The following RAPSN variants were observed in gnomAD, a reference collection of about 807,000 sequenced individuals.
RAPSN encodes the protein 43 kDa receptor-associated protein of the synapse.
A neutral mutation model predicts 45.7 loss-of-function variants in RAPSN; 33 were observed. The observed-to-expected ratio is 0.72, with a 90% confidence interval of 0.55 to 0.97. The LOEUF is 0.97. RAPSN is among the 50% of genes least tolerant of loss of function. The probability of loss-of-function intolerance (pLI) is 0.00; values close to 1 mark genes in which losing one functional copy is unlikely to be tolerated. For synonymous variants in RAPSN, 244 were observed against 233.6 expected (o/e 1.04, Z -0.40); for missense variants, 519 against 559.4 (o/e 0.93, Z 0.73).
At chr11:47,446,799 G>C (rs1350438122) in intron 2 of RAPSN, among the ~76,000 whole-genome samples, 1 of 152,174 alleles carries the variant, frequency 6.6e-6, no homozygotes, top group Non-Finnish European at 1.5e-5. Context: ...CAGCTACTTG[G>C]GAGGCTGGGG....
chr11:47,439,022 T>G, intron 6 of RAPSN, 91 bp from the exon 7 acceptor site: 1 of 1,389,144 alleles, frequency 7.2e-7, no homozygotes, highest in East Asian at 2.5e-5. Context: ...CCTGTCTTGC[T>G]GATGGACCTT....
chr11:47,441,902 A>G lies in RAPSN; in HGVS notation c.710T>C (p.Leu237Pro). 6.3e-7 allele frequency: 1 copy of G among 1,583,494 alleles called. No homozygotes were observed. The highest frequency in any genetic ancestry group is 8.5e-7 in the Non-Finnish European group (1 of 1,170,418). ...CTGCAGTGGCCGGTCCCCGTGCTGC[A>G]GCGCGATCTTCATAGACTCCTGCGA... The part of the protein sequence containing the change: ...ECCEESMKIA[L>P]QHGDRPLQAL... Residue 237 changes from leucine (L) to proline (P), a missense_variant, in exon 4 of 8, where the codon CTG becomes CCG. Coordinates refer to ENST00000298854, the MANE Select transcript of RAPSN (RefSeq NM_005055.5).
chr11:47,444,045 A>C lies in RAPSN; in HGVS notation c.532-1231T>G, dbSNP rs141747803. Reference sequence around the variant, plus strand: ...TTCCCTTCAGCTAAAGCCCCATTTCACTGTTCTTTTTCAAGGTAAATCTAT... The same window carrying C: ...TTCCCTTCAGCTAAAGCCCCATTTCCCTGTTCTTTTTCAAGGTAAATCTAT... On this transcript the variant is annotated intron_variant, in intron 2 of 7. Transcript: ENST00000298854. Among the ~76,000 whole-genome samples the C allele has an allele frequency of 1.1e-4, 16 of 151,378 alleles. 1 individual carries two copies. The East Asian group carries it at 3.1e-3, about 29-fold the overall frequency.
At chr11:47,445,010 T>C (rs899771522) in intron 2 of RAPSN, among the ~76,000 whole-genome samples, 3 of 151,442 alleles carry the variant, frequency 2.0e-5, no homozygotes, top group African/African-American at 7.3e-5. Flanking sequence ...GACTACAAGG[T>C]CAAGAGATCC....
At chr11:47,445,929 CTTTTT>C in intron 2 of RAPSN, among the ~76,000 whole-genome samples, 1 of 144,632 alleles carries the variant, frequency 6.9e-6, no homozygotes, top group Non-Finnish European at 1.5e-5. Flanking sequence ...CACACTTGGG[CTTTTT>C]TTTTTTTTCT....
At position 47,442,743 on chromosome 11, in the gene RAPSN, G is replaced by T. The variant is rs1043908496; in HGVS notation, c.603C>A (p.Ser201Arg). 1 of 1,614,276 alleles carries T rather than the reference G, an allele frequency of 6.2e-7. No individual in the cohort carries two copies. The highest frequency in any genetic ancestry group is 8.5e-7 in the Non-Finnish European group (1 of 1,180,054). The change falls in exon 3 of 8, where the codon AGC becomes AGA. Residue 201 changes from serine (S) to arginine (R), a missense_variant. Ser to Arg is a moderately radical substitution (Grantham distance 110). Coordinates refer to ENST00000298854, the MANE Select transcript of RAPSN (RefSeq NM_005055.5). Reference sequence around the variant, plus strand: ...ACTGGCTCATGGCCCGGTACTTCAGGCTCCAGCCTTTGCCATAGTTGTTGA... The same window carrying T: ...ACTGGCTCATGGCCCGGTACTTCAGTCTCCAGCCTTTGCCATAGTTGTTGA... ...ELVNNYGKGW[S>R]LKYRAMSQYH...
chr11:47,445,123 C>G (rs1307249399), intron 2 of RAPSN, among the ~76,000 whole-genome samples: 1 of 148,754 alleles, frequency 6.7e-6, no homozygotes, highest in Non-Finnish European at 1.5e-5. Context: ...CCCAGCTACT[C>G]GGGAGGCTGA....
In RAPSN at chr11:47,448,122, C is replaced by T. The variant is rs568433059; in HGVS notation, c.221G>A (p.Arg74Gln). The T allele has an allele frequency of 1.6e-5, 26 of 1,612,994 alleles. No individual in the cohort carries two copies. Among genetic ancestry groups the T allele is most frequent in the African/African-American group, 2.7e-5 (2 of 74,998 alleles). The change falls in exon 2 of 8, where the codon CGG (arginine) becomes CAG (glutamine). Residue 74 changes from arginine (R) to glutamine (Q), a missense_variant. Arg to Gln is a conservative substitution (Grantham distance 43). Transcript: ENST00000298854. Reference sequence around the variant, plus strand: ...GAGGAAGTCGGCATCCTCCAGCTCCCGGGCCGTGTCGATCTGGACCACAGC... The same window carrying T: ...GAGGAAGTCGGCATCCTCCAGCTCCTGGGCCGTGTCGATCTGGACCACAGC... The part of the protein sequence containing the change: ...KFAVVQIDTA[R>Q]ELEDADFLLE...
chr11:47,447,023 G>A (rs1197388185), intron 2 of RAPSN, among the ~76,000 whole-genome samples: 2 of 152,122 alleles, frequency 1.3e-5, no homozygotes, highest in African/African-American at 4.8e-5. Context: ...AGACACGCCT[G>A]GCAGCCATGC....
chr11:47,448,741 C>T (rs1595903417), intron 1 of RAPSN, 32 bp downstream of exon 1: 2 of 1,602,870 alleles, frequency 1.2e-6, no homozygotes, highest in East Asian at 2.2e-5. Context: ...CCCAGCCTGA[C>T]CCTCGAACGC....
chr11:47,438,641 T>G, intron 7 of RAPSN, 91 bp downstream of exon 7: 3 of 1,438,798 alleles, frequency 2.1e-6, no homozygotes, highest in Non-Finnish European at 2.9e-6. Flanking sequence ...GTGTTTGCTA[T>G]TAGTATTATT....
intron 2 of RAPSN, among the ~76,000 whole-genome samples, chr11:47,447,254 C>T (rs1489030355): frequency 6.6e-6 from 1 of 152,174 alleles, no homozygotes; most frequent in Non-Finnish European, 1.5e-5. Flanking sequence ...TGCTGCCAGC[C>T]CTTTGCCCCG....
intron 7 of RAPSN, chr11:47,438,381 C>T: frequency 1.8e-6 from 1 of 570,982 alleles, no homozygotes; most frequent in South Asian, 2.2e-5. Flanking sequence ...AAAAGAATGG[C>T]CACAGATCTC....
At position 47,438,749 on chromosome 11, in the gene RAPSN, G is replaced by A. The variant is rs765481657; in HGVS notation, c.1149C>T (p.Ser383=). ...KNSRLQALPC[S]HIFHLRCLQN... ...GCCCCCACCTGAGGTGGAAGATGTGGGAGCAAGGTAGGGCCTGCAGCCGGC... is the reference window on the plus strand; with the variant it reads ...GCCCCCACCTGAGGTGGAAGATGTGAGAGCAAGGTAGGGCCTGCAGCCGGC... Residue 383 remains serine (S), a synonymous_variant, in exon 7 of 8, where the codon TCC becomes TCT. Transcript: ENST00000298854. The A allele has an allele frequency of 1.9e-6, 3 of 1,563,940 alleles. No homozygotes were observed. The highest frequency in any genetic ancestry group is 1.7e-6 in the Non-Finnish European group (2 of 1,151,258).
chr11:47,438,817 GCTCCGT>G lies in RAPSN; in HGVS notation c.1075_1080del (p.Thr359_Glu360del). On this transcript the variant is annotated inframe_deletion, in exon 7 of 8. Coordinates refer to ENST00000298854, the MANE Select transcript of RAPSN (RefSeq NM_005055.5). ...GACTCGCCGCACAGGCCGCAGTAGA[GCTCCGT>G]CTCCTCCACGCACTCGTGGAACCTC... 1 of 1,573,960 alleles carries G rather than the reference GCTCCGT, an allele frequency of 6.4e-7. No individual in the cohort carries two copies. The highest frequency in any genetic ancestry group is 2.3e-5 in the East Asian group (1 of 43,078).
At chr11:47,440,855 G>A (rs1355470704) in intron 6 of RAPSN, among the ~76,000 whole-genome samples, 1 of 152,046 alleles carries the variant, frequency 6.6e-6, no homozygotes, top group Non-Finnish European at 1.5e-5. Context: ...TCCTACCTCG[G>A]CCTCCCAAAA....
chr11:47,442,628 C>A, intron 3 of RAPSN, 28 bp downstream of exon 3: 1 of 1,611,076 alleles, frequency 6.2e-7, no homozygotes, highest in South Asian at 1.1e-5. Flanking sequence ...ACCTCATCCC[C>A]GACCTGCCCC....
chr11:47,448,154 C>T lies in RAPSN; in HGVS notation c.193-4G>A. The stretch of plus-strand genomic sequence containing the variant: ...TGTCGATCTGGACCACAGCGAACTG[C>T]ACACAGCGACGGTGGGCAGGTGGTG... On this transcript the variant is annotated splice_polypyrimidine_tract_variant and splice_region_variant and intron_variant, in intron 1 of 7. Transcript: ENST00000298854. 1.9e-6 allele frequency: 3 copies of T among 1,609,062 alleles called. No individual in the cohort carries two copies. Among genetic ancestry groups the T allele is most frequent in the Non-Finnish European group, 2.5e-6 (3 of 1,179,916 alleles).
chr11:47,448,627 C>T, intron 1 of RAPSN, 146 bp downstream of exon 1: 1 of 1,014,472 alleles, frequency 9.9e-7, no homozygotes, highest in South Asian at 1.5e-5. Context: ...GACCCAGGGC[C>T]TTAGATATAA....
Sources: allele counts gnomAD v4.1 joint callset (sites outside exome capture counted in the v4.1 genomes callset), GRCh38; gene constraint gnomAD v4.1.1; transcripts MANE v1.5; gene names NCBI Gene and HGNC (gene_info 2026-07-23, HGNC 2026-07-21).